TEX36: variants seen among roughly 807,000 people sequenced by gnomAD.
TEX36 encodes the protein testis expressed 36.
Under a neutral mutation model 13.6 loss-of-function variants are expected in TEX36, and 12 were observed. That is an observed-to-expected ratio of 0.88 (90% CI 0.56 to 1.43). The LOEUF is 1.43. Ranked by LOEUF, TEX36 falls within the 40% of genes most tolerant of loss-of-function variation. TEX36 has a pLI of 0.00. For missense variants in TEX36, 224 were observed against 228.3 expected, an observed-to-expected ratio of 0.98 and a Z score of 0.12; for synonymous variants, 93 against 83.0, an observed-to-expected ratio of 1.12 and a Z score of -0.65.
At chr10:125,630,674 C>G (rs966992903) in intron 3 of TEX36, among the ~76,000 whole-genome samples, 1 of 152,128 alleles carries the variant, frequency 6.6e-6, no homozygotes. Context: ...GACTGCCATG[C>G]ATGTCGATGG....
At chr10:125,637,583 T>C (rs1846637247) in intron 3 of TEX36, among the ~76,000 whole-genome samples, 1 of 152,138 alleles carries the variant, frequency 6.6e-6, no homozygotes. Flanking sequence ...TGATTTCACG[T>C]CTTTTAGATA....
At chr10:125,647,819 T>C (rs936118998) in intron 3 of TEX36, among the ~76,000 whole-genome samples, 1 of 152,144 alleles carries the variant, frequency 6.6e-6, no homozygotes, top group African/African-American at 2.4e-5. Flanking sequence ...ACTGCGCTTT[T>C]CCAATGGCCT....
At chr10:125,628,804 A>G (rs527814491) in intron 3 of TEX36, among the ~76,000 whole-genome samples, 1 of 152,340 alleles carries the variant, frequency 6.6e-6, no homozygotes, top group East Asian at 1.9e-4. Context: ...CATCCCAGAC[A>G]TTGTCACAGA....
intron 3 of TEX36, among the ~76,000 whole-genome samples, chr10:125,598,568 G>A (rs1846108746): frequency 6.6e-6 from 1 of 152,154 alleles, no homozygotes; most frequent in Admixed American, 6.5e-5. Flanking sequence ...TGCCAAGCCG[G>A]CCTAATTTTC....
chr10:125,642,420 G>A (rs1300463413), intron 3 of TEX36, among the ~76,000 whole-genome samples: 1 of 152,188 alleles, frequency 6.6e-6, no homozygotes, highest in Non-Finnish European at 1.5e-5. Flanking sequence ...CAGAGGACAG[G>A]AGAGAAGCTA....
intron 3 of TEX36, among the ~76,000 whole-genome samples, chr10:125,601,867 C>T (rs1168075414): frequency 6.6e-6 from 1 of 152,208 alleles, no homozygotes; most frequent in Non-Finnish European, 1.5e-5. Context: ...TGGCAAGCCT[C>T]CACACATTGT....
intron 3 of TEX36, among the ~76,000 whole-genome samples, chr10:125,585,378 GT>G (rs1845932445): frequency 6.6e-6 from 1 of 152,172 alleles, no homozygotes; most frequent in Non-Finnish European, 1.5e-5. Flanking sequence ...AGTATGGCAC[GT>G]TGGTGTGCTG....
chr10:125,633,390 C>T (rs542024993), intron 3 of TEX36, among the ~76,000 whole-genome samples: 2 of 152,192 alleles, frequency 1.3e-5, no homozygotes, highest in Non-Finnish European at 2.9e-5. Flanking sequence ...ACATTGGACA[C>T]CTCCTGTAAT....
chr10:125,584,805 A>T (rs1338414239), intron 3 of TEX36, among the ~76,000 whole-genome samples: 40 of 152,242 alleles, frequency 2.6e-4, no homozygotes, highest in Admixed American at 2.6e-3. Flanking sequence ...AAGGGCAGAA[A>T]TGTGAGAAAA....
downstream of TEX36, among the ~76,000 whole-genome samples, chr10:125,617,478 C>G (rs1326912590): frequency 6.6e-6 from 1 of 152,136 alleles, no homozygotes; most frequent in Non-Finnish European, 1.5e-5. Context: ...TTAGGGCAGG[C>G]CTGGTGGTGA....
intron 3 of TEX36, among the ~76,000 whole-genome samples, chr10:125,597,093 C>A (rs539422606): frequency 2.6e-5 from 4 of 152,188 alleles, no homozygotes; most frequent in African/African-American, 9.7e-5. Context: ...TGACCACATG[C>A]AATTTTAGGG....
intron 3 of TEX36, among the ~76,000 whole-genome samples, chr10:125,621,942 T>C (rs1187066814): frequency 1.3e-5 from 2 of 152,216 alleles, no homozygotes; most frequent in African/African-American, 4.8e-5. Flanking sequence ...GATGGGATGC[T>C]GTCACCCACA....
intron 3 of TEX36, among the ~76,000 whole-genome samples, chr10:125,612,982 C>T (rs1846308777): frequency 6.6e-6 from 1 of 151,966 alleles, no homozygotes; most frequent in Non-Finnish European, 1.5e-5. Context: ...ACCAGCCACC[C>T]CCACCAAAAG....
intron 3 of TEX36, among the ~76,000 whole-genome samples, chr10:125,639,296 G>C (rs1472218838): frequency 1.3e-5 from 2 of 152,032 alleles, no homozygotes; most frequent in African/African-American, 4.8e-5. Flanking sequence ...AAGTACCATT[G>C]CCTGATCCAC....
At chr10:125,646,139 G>T (rs538293024) in intron 3 of TEX36, among the ~76,000 whole-genome samples, 15 of 152,162 alleles carry the variant, frequency 9.9e-5, no homozygotes, top group East Asian at 7.7e-4. Context: ...GACCATCTGG[G>T]CAACATGGTG....
intron 3 of TEX36, among the ~76,000 whole-genome samples, chr10:125,595,422 G>A (rs533151450): frequency 7.2e-5 from 11 of 152,256 alleles, no homozygotes; most frequent in South Asian, 6.2e-4. Flanking sequence ...CACAGCATCC[G>A]CCTAGCTAAT....
downstream of TEX36, among the ~76,000 whole-genome samples, chr10:125,621,165 C>T (rs1846425783): frequency 6.6e-6 from 1 of 152,094 alleles, no homozygotes; most frequent in Non-Finnish European, 1.5e-5. Flanking sequence ...GGGATATATA[C>T]ACTCTGAGTA....
rs147796615 is a variant in TEX36, at chr10:125,599,199, T to C, written c.265-22325A>G. Among the ~76,000 whole-genome samples the C allele has an allele frequency of 2.0e-5, 3 of 152,338 alleles. No homozygotes were observed. In the East Asian group the frequency reaches 5.8e-4, roughly 29 times the overall value. ...AGAAAAAGAAAAACACCTATAATCC[T>C]AGCAAACTGCATCCACTAACGGTTT... On this transcript the variant is annotated intron_variant, in intron 3 of 3. Coordinates refer to the TEX36 transcript ENST00000532135.
chr10:125,638,960 A>G (rs974459365), intron 3 of TEX36, among the ~76,000 whole-genome samples: 5 of 152,242 alleles, frequency 3.3e-5, no homozygotes, highest in Non-Finnish European at 7.3e-5. Context: ...TTTACCTATC[A>G]TTAGGCTTTC....
Sources: gnomAD v4.1 joint callset for allele counts (sites outside exome capture counted in the v4.1 genomes callset) on GRCh38, gnomAD v4.1.1 for gene constraint, MANE v1.5 for transcripts, NCBI Gene and HGNC (gene_info 2026-07-23, HGNC 2026-07-21) for gene names.